LYSMD1: variants seen among roughly 807,000 people sequenced by gnomAD.
LYSMD1 encodes the protein LysM domain containing 1, also known as lysM and putative peptidoglycan-binding domain-containing protein 1.
In LYSMD1, 9 loss-of-function variants were observed where a neutral mutation model predicts 19.3. That is an observed-to-expected ratio of 0.47 (90% CI 0.28 to 0.81). The LOEUF is 0.81. Among genes scored for constraint, LYSMD1 ranks in the 40% least tolerant of loss-of-function variants. The pLI, the probability that LYSMD1 is intolerant of heterozygous loss-of-function variation, is 0.11. For missense variants in LYSMD1, 262 were observed against 279.8 expected, an observed-to-expected ratio of 0.94 and a Z score of 0.45; for synonymous variants, 111 against 111.7, an observed-to-expected ratio of 0.99 and a Z score of 0.04.
rs587609070 is a variant in LYSMD1 at position 151,160,913 on chromosome 1, C to T, written c.653G>A (p.Arg218Gln). 1.9e-5 allele frequency: 31 copies of T among 1,614,128 alleles called. No individual in the cohort carries two copies. The South Asian group carries it at 2.7e-4, about 14-fold the overall frequency. Residue 218 changes from arginine (R) to glutamine (Q), a missense_variant, in exon 3 of 3, where the codon CGG (arginine) becomes CAG (glutamine). By Grantham distance (43) the Arg-to-Gln change is conservative. Transcript: ENST00000368908. ...TTTGAAGATTTCATCCTCCTGGTCC[C>T]GTAGTGTCCGGGTCCGAGAGGTACG... ...LTRTSRTRTLRDQEDEIFKL is the reference protein window; with the variant it reads ...LTRTSRTRTLQDQEDEIFKL
chr1:151,149,302 AG>A, the LYSMD1 span, among the ~76,000 whole-genome samples: 3 of 152,164 alleles, frequency 2.0e-5, no homozygotes, highest in Non-Finnish European at 4.4e-5. Context: ...AGGCTGAGGC[AG>A]GGGAATTGCT....
rs1365846364 is a variant in LYSMD1, at chr1:151,162,044, CT to C, written c.236del (p.Lys79ArgfsTer9). 3 of 1,612,494 alleles carry C rather than the reference CT, an allele frequency of 1.9e-6. No individual in the cohort carries two copies. On this transcript the variant is annotated frameshift_variant, in exon 2 of 3. Transcript: ENST00000368908. LOFTEE classifies it high-confidence loss of function. ...TCAGGATGGGGATGTAGAGGGTTTT[CT>C]TCAGGAAGATGGAGTCATTAGTATA... ...RLYTNDSIFLKKTLYIPILTE... is the reference protein window; with the variant it reads ...RLYTNDSIFLXKTLYIPILTE...
downstream of LYSMD1, among the ~76,000 whole-genome samples, chr1:151,157,629 T>A (rs1683268586): frequency 6.6e-6 from 1 of 152,208 alleles, no homozygotes; most frequent in Non-Finnish European, 1.5e-5. Flanking sequence ...TCTGGATTAT[T>A]TGGTTTGAAG....
chr1:151,159,917 CAA>C lies in LYSMD1; in HGVS notation c.*963_*964del, dbSNP rs1683370707. On this transcript the variant is annotated 3_prime_UTR_variant, in exon 3 of 3. Coordinates refer to ENST00000368908, the MANE Select transcript of LYSMD1 (RefSeq NM_212551.5). ...CCCTTACCTACTTCTGTTTAAGAAA[CAA>C]AACAACTGTACCATAGATCAGTGCT... The C allele has an allele frequency of 6.0e-6, 1 of 165,318 alleles. No individual in the cohort carries two copies. Among genetic ancestry groups the C allele is most frequent in the South Asian group, 2.1e-4 (1 of 4,814 alleles). 10.2% of individuals were successfully genotyped at this position (165,318 alleles called of 1,614,324 possible).
intron 1 of LYSMD1, among the ~76,000 whole-genome samples, chr1:151,162,967 AC>A (rs1683506861): frequency 6.6e-6 from 1 of 152,226 alleles, no homozygotes; most frequent in South Asian, 2.1e-4. Context: ...ATGGCTCCGC[AC>A]TGGCTAAAAG....
downstream of LYSMD1, chr1:151,159,121 C>T (rs139813482): frequency 1.3e-5 from 21 of 1,614,154 alleles, no homozygotes; most frequent in Admixed American, 6.7e-5. Context: ...GTCACATGGC[C>T]GCATCCGCCA....
At chr1:151,161,485 A>G (rs1182577310) in intron 2 of LYSMD1, among the ~76,000 whole-genome samples, 1 of 149,974 alleles carries the variant, frequency 6.7e-6, no homozygotes, top group African/African-American at 2.5e-5. Flanking sequence ...CAACAGAGCA[A>G]GACCCCGTCT....
At chr1:151,157,992 C>A (rs190261156), downstream of LYSMD1, among the ~76,000 whole-genome samples, 753 of 152,286 alleles carry the variant, frequency 4.9e-3, 6 homozygotes, top group Non-Finnish European at 8.7e-3. Context: ...GCCACACAGA[C>A]ATATGGCACA....
At position 151,160,437 on chromosome 1, in the gene LYSMD1, T is replaced by C. The variant is rs1380240125; in HGVS notation, c.*445A>G. The C allele has an allele frequency of 6.5e-6, 1 of 154,476 alleles. No homozygotes were observed. Among genetic ancestry groups the C allele is most frequent in the Non-Finnish European group, 1.4e-5 (1 of 69,240 alleles). The allele number at this position is 154,476 out of a possible 1,614,324, so 9.6% of individuals were successfully genotyped here. On this transcript the variant is annotated 3_prime_UTR_variant, in exon 3 of 3. Coordinates refer to ENST00000368908, the MANE Select transcript of LYSMD1 (RefSeq NM_212551.5). ...CCGGGTTCTCCTCACCCCAGGGCTA[T>C]AGAAATTCCATTTTTCAGCTAAGAG...
At chr1:151,163,615 G>A (rs1036921364) in intron 1 of LYSMD1, among the ~76,000 whole-genome samples, 6 of 151,732 alleles carry the variant, frequency 4.0e-5, no homozygotes, top group African/African-American at 4.8e-5. Flanking sequence ...TGAAACCTCC[G>A]CTTCCCCAGC....
chr1:151,159,562 T>G, downstream of LYSMD1: 1 of 308,806 alleles, frequency 3.2e-6, no homozygotes, highest in South Asian at 3.7e-5. Flanking sequence ...GGAAGCCCCC[T>G]CCCATGTGAA....
chr1:151,150,976 C>T, the LYSMD1 span, among the ~76,000 whole-genome samples: 4 of 151,858 alleles, frequency 2.6e-5, no homozygotes, highest in Non-Finnish European at 5.9e-5. Context: ...TGACCTCAAG[C>T]GATCTGCCCA....
At chr1:151,151,742 C>G in the LYSMD1 span, among the ~76,000 whole-genome samples, 2 of 151,224 alleles carry the variant, frequency 1.3e-5, no homozygotes, top group East Asian at 2.0e-4. Flanking sequence ...CCAGCCTGAC[C>G]GACATAGAGA....
In LYSMD1 at chr1:151,165,541, G is replaced by A; in HGVS notation, c.-283C>T. 2.1e-6 allele frequency: 3 copies of A among 1,452,242 alleles called. No homozygotes were observed. The highest frequency in any genetic ancestry group is 2.7e-6 in the Non-Finnish European group (3 of 1,108,770). The allele number at this position is 1,452,242 out of a possible 1,614,324, so 90.0% of individuals were successfully genotyped here. A position where few individuals can be genotyped will look rare whatever the true frequency, so the allele number is the denominator to read the frequency against. On this transcript the variant is annotated 5_prime_UTR_variant, in exon 1 of 3. Coordinates refer to ENST00000368908, the MANE Select transcript of LYSMD1 (RefSeq NM_212551.5). ...CTCCCCCACAACTCCTCGCTACATTGACCTCTGACCTTTGAACTCTAGAAA... is the reference window on the plus strand; with the variant it reads ...CTCCCCCACAACTCCTCGCTACATTAACCTCTGACCTTTGAACTCTAGAAA...
rs1683390896 is a variant in LYSMD1 at position 151,160,250 on chromosome 1, A to AAAAAAAAAAAAAAAG, written c.*631_*632insCTTTTTTTTTTTTTT. 6.9e-6 allele frequency: 1 copy of AAAAAAAAAAAAAAAG among 144,906 alleles called. No homozygotes were observed. The highest frequency in any genetic ancestry group is 2.5e-5 in the African/African-American group (1 of 40,142). 9.0% of individuals were successfully genotyped at this position (144,906 alleles called of 1,614,324 possible). ...AGGAATGGGGTACCAAAAAAAAAAAAAAAAAGAATCAGCCCAAATCTGTCA... is the reference window on the plus strand; with the variant it reads ...AGGAATGGGGTACCAAAAAAAAAAAAAAAAAAAAAAAAAAGAAAAAGAATCAGCCCAAATCTGTCA... On this transcript the variant is annotated 3_prime_UTR_variant, in exon 3 of 3. Transcript: ENST00000368908.
At chr1:151,153,547 C>T in the LYSMD1 span, among the ~76,000 whole-genome samples, 3 of 151,532 alleles carry the variant, frequency 2.0e-5, no homozygotes, top group Admixed American at 6.6e-5. Flanking sequence ...CCCAGCTACT[C>T]GGGAGGCTAA....
At chr1:151,157,595 G>A (rs1218561403), downstream of LYSMD1, among the ~76,000 whole-genome samples, 1 of 152,182 alleles carries the variant, frequency 6.6e-6, no homozygotes, top group Non-Finnish European at 1.5e-5. Flanking sequence ...ACCACACTGG[G>A]AGCATTCCGG....
chr1:151,150,988 C>T, the LYSMD1 span, among the ~76,000 whole-genome samples: 1 of 152,016 alleles, frequency 6.6e-6, no homozygotes, highest in Non-Finnish European at 1.5e-5. Flanking sequence ...ATCTGCCCAC[C>T]TCAGCCTCCA....
the LYSMD1 span, among the ~76,000 whole-genome samples, chr1:151,151,371 T>G: frequency 2.0e-5 from 3 of 150,948 alleles, no homozygotes; most frequent in African/African-American, 7.3e-5. Flanking sequence ...TTTTTTTTTT[T>G]TGTATTTTCA....
Sources: allele counts gnomAD v4.1 joint callset (sites outside exome capture counted in the v4.1 genomes callset), GRCh38; gene constraint gnomAD v4.1.1; transcripts MANE v1.5; gene names NCBI Gene and HGNC (gene_info 2026-07-23, HGNC 2026-07-21).